Variants in OTUD1 observed in about 807,000 individuals in gnomAD.
OTUD1 encodes the protein OTU domain-containing protein 1.
OTUD1 carries 15 observed loss-of-function variants against 30.0 expected under a neutral mutation model. The ratio of observed to expected loss-of-function variants is 0.50; its 90% CI spans 0.33 to 0.77. The LOEUF is 0.77. Ranked by LOEUF, OTUD1 falls within the 30% of genes least tolerant of loss-of-function variation. The probability of loss-of-function intolerance (pLI) is 0.02; values close to 1 mark genes in which losing one functional copy is unlikely to be tolerated. For missense variants in OTUD1, 796 were observed against 697.8 expected, an observed-to-expected ratio of 1.14 and a Z score of -1.59; for synonymous variants, 381 against 326.3, an observed-to-expected ratio of 1.17 and a Z score of -1.81.
rs1469031836 is a variant in OTUD1 at position 23,440,530 on chromosome 10, T to C, written c.1073T>C (p.Ile358Thr). The C allele has an allele frequency of 1.3e-6, 2 of 1,551,674 alleles. No individual in the cohort carries two copies. The highest frequency in any genetic ancestry group is 2.0e-5 in the Admixed American group (1 of 51,008). Reference sequence around the variant, plus strand: ...CATCTCGACCACTTCAGCCCCCTGATTGAGGGCGACGTGGGGGAGTTTATC... The same window carrying C: ...CATCTCGACCACTTCAGCCCCCTGACTGAGGGCGACGTGGGGGAGTTTATC... The part of the protein sequence containing the change: ...ADHLDHFSPL[I>T]EGDVGEFIIA... The change falls in exon 1 of 1, where the codon ATT (isoleucine) becomes ACT (threonine). Residue 358 changes from isoleucine to threonine, a missense_variant. By Grantham distance (89) the Ile-to-Thr change is moderately conservative. Coordinates refer to ENST00000376495, the MANE Select transcript of OTUD1 (RefSeq NM_001145373.3).
rs1261980284 is a variant in OTUD1 at position 23,441,669 on chromosome 10, TG to T, written c.*767del. ...TTTGCTGATGGCAGAATGATTATTC[TG>T]TACCCTGGTTGATGTGTAGAGTAGA... is the stretch of plus-strand genomic sequence containing the variant. On this transcript the variant is annotated 3_prime_UTR_variant, in exon 1 of 1. Coordinates refer to ENST00000376495, the MANE Select transcript of OTUD1 (RefSeq NM_001145373.3). 6.0e-6 allele frequency: 1 copy of T among 167,186 alleles called. No individual in the cohort carries two copies. Among genetic ancestry groups the T allele is most frequent in the East Asian group, 1.9e-4 (1 of 5,186 alleles). The allele number at this position is 167,186 out of a possible 1,614,324, so 10.4% of individuals were successfully genotyped here.
Position 23,440,083 on chromosome 10 carries a change from G to A in OTUD1, c.626G>A (p.Gly209Asp). 7.0e-7 allele frequency: 1 copy of A among 1,438,688 alleles called. No individual in the cohort carries two copies. 89.1% of individuals were successfully genotyped at this position (1,438,688 alleles called of 1,614,324 possible). Residue 209 changes from glycine to aspartate, a missense_variant, in exon 1 of 1, where the codon GGC becomes GAC. Physicochemically the swap from Gly to Asp is moderately conservative, Grantham distance 94. Transcript: ENST00000376495. ...RQALAAAKHR[G>D]PAATPGSPDP... ...GCCCTGGCCGCCGCCAAGCACCGAG[G>A]CCCCGCGGCGACCCCGGGGAGCCCC... is the stretch of plus-strand genomic sequence containing the variant.
chr10:23,440,643 A>C lies in OTUD1; in HGVS notation c.1186A>C (p.Thr396Pro). ...QMLNVNIHLT[T>P]GGRLESPTVS... ...GCTGAATGTGAATATCCATTTAACT[A>C]CTGGAGGGAGGCTGGAGAGTCCCAC... Residue 396 changes from threonine to proline, a missense_variant, in exon 1 of 1, where the codon ACT (threonine) becomes CCT (proline). Transcript: ENST00000376495. 1 of 1,551,678 alleles carries C rather than the reference A, an allele frequency of 6.4e-7. No individual in the cohort carries two copies. Among genetic ancestry groups the C allele is most frequent in the Non-Finnish European group, 8.7e-7 (1 of 1,146,984 alleles).
rs903145159 is a variant in OTUD1, at chr10:23,439,337, A to T, written c.-121A>T. The T allele has an allele frequency of 1.8e-4, 159 of 885,918 alleles. No individual in the cohort carries two copies. In the African/African-American group the frequency reaches 2.6e-3, roughly 14 times the overall value. 54.9% of individuals were successfully genotyped at this position (885,918 alleles called of 1,614,324 possible). ...CGCGGCGGCCGGCTGCCTTTCGCTC[A>T]TCTCTATTCTGGGGCCGTTGGGTCA... On this transcript the variant is annotated 5_prime_UTR_variant, in exon 1 of 1. Coordinates refer to ENST00000376495, the MANE Select transcript of OTUD1 (RefSeq NM_001145373.3).
Position 23,439,939 on chromosome 10 carries a change from G to A in OTUD1, c.482G>A (p.Arg161Gln). 8.1e-7 allele frequency: 1 copy of A among 1,229,388 alleles called. No homozygotes were observed. Among genetic ancestry groups the A allele is most frequent in the Non-Finnish European group, 1.0e-6 (1 of 988,020 alleles). 76.2% of individuals were successfully genotyped at this position (1,229,388 alleles called of 1,614,324 possible). Residue 161 changes from arginine to glutamine, a missense_variant, in exon 1 of 1, where the codon CGG (arginine) becomes CAG (glutamine). Physicochemically the swap from Arg to Gln is conservative, Grantham distance 43 (BLOSUM62 1). Coordinates refer to ENST00000376495, the MANE Select transcript of OTUD1 (RefSeq NM_001145373.3). ...CCCGCAGCCCCGGTCCCGCCGCGGC[G>A]GGGCTCCTCGGCCTGGCTCCTGGAG... Reference protein sequence around the residue: ...PAPAAPVPPRRGSSAWLLEEL... With the variant: ...PAPAAPVPPRQGSSAWLLEEL...
chr10:23,440,182 A>G lies in OTUD1; in HGVS notation c.725A>G (p.Asp242Gly), dbSNP rs1847111966. Residue 242 changes from aspartate to glycine, a missense_variant, in exon 1 of 1, where the codon GAT (aspartate) becomes GGT (glycine). Transcript: ENST00000376495. ...RGPRGWERGG[D>G]RCDAPGGDAA... is the part of the protein sequence containing the mutation. The stretch of plus-strand genomic sequence containing the variant: ...CCCAGGGGCTGGGAGAGGGGCGGCG[A>G]TCGCTGCGACGCGCCCGGTGGGGAC... The G allele has an allele frequency of 6.9e-7, 1 of 1,456,522 alleles. No individual in the cohort carries two copies. Among genetic ancestry groups the G allele is most frequent in the Non-Finnish European group, 9.0e-7 (1 of 1,106,444 alleles). 90.2% of individuals were successfully genotyped at this position (1,456,522 alleles called of 1,614,324 possible).
At position 23,441,116 on chromosome 10, in the gene OTUD1, C is replaced by T. The variant is rs994872017; in HGVS notation, c.*213C>T. 5.2e-6 allele frequency: 3 copies of T among 582,028 alleles called. No individual in the cohort carries two copies. The highest frequency in any genetic ancestry group is 6.9e-5 in the Admixed American group (2 of 29,152). 36.1% of individuals were successfully genotyped at this position (582,028 alleles called of 1,614,324 possible). A position where few individuals can be genotyped will look rare whatever the true frequency, so the allele number is the denominator to read the frequency against. ...TTCATGATAGCTTTGGGTGATTTTACTGCTATTTATAATTTGCTGTATAAA... is the reference window on the plus strand; with the variant it reads ...TTCATGATAGCTTTGGGTGATTTTATTGCTATTTATAATTTGCTGTATAAA... On this transcript the variant is annotated 3_prime_UTR_variant, in exon 1 of 1. Transcript: ENST00000376495.
rs564904086 is a variant in OTUD1, at chr10:23,440,299, C to T, written c.842C>T (p.Ser281Phe). The T allele has an allele frequency of 5.8e-6, 9 of 1,550,812 alleles. No individual in the cohort carries two copies. The South Asian group carries it at 8.3e-5, about 14-fold the overall frequency. The change falls in exon 1 of 1, where the codon TCC becomes TTC. Residue 281 changes from serine to phenylalanine, a missense_variant. Physicochemically the swap from Ser to Phe is radical, Grantham distance 155. Transcript: ENST00000376495. ...AGTGCGGCGGAGCCGGTGATCGTCTCCAGGTCGGATCCCAGAGACGAGAAG... is the reference window on the plus strand; with the variant it reads ...AGTGCGGCGGAGCCGGTGATCGTCTTCAGGTCGGATCCCAGAGACGAGAAG... ...PSSAAEPVIV[S>F]RSDPRDEKLA...
Position 23,440,995 on chromosome 10 carries a change from C to A in OTUD1, c.*92C>A, listed in dbSNP as rs80154170. On this transcript the variant is annotated 3_prime_UTR_variant, in exon 1 of 1. Coordinates refer to ENST00000376495, the MANE Select transcript of OTUD1 (RefSeq NM_001145373.3). ...ACTTTAATCAGGGTAATAGCACTTT[C>A]AAACTTGCTAGTAGATTTTACTGTA... 7.5e-7 allele frequency: 1 copy of A among 1,327,384 alleles called. No individual in the cohort carries two copies. The highest frequency in any genetic ancestry group is 1.5e-5 in the South Asian group (1 of 65,962). 82.2% of individuals were successfully genotyped at this position (1,327,384 alleles called of 1,614,324 possible). A position where few individuals can be genotyped will look rare whatever the true frequency, so the allele number is the denominator to read the frequency against.
rs1847112596 is a variant in OTUD1 at position 23,440,224 on chromosome 10, A to T, written c.767A>T (p.Asp256Val). ...GGTGGGGACGCGGCGCGGAGGCCCG[A>T]CCCAGAGGCCGAGGCACCCCCCGCC... is the stretch of plus-strand genomic sequence containing the variant. ...APGGDAARRP[D>V]PEAEAPPAGS... The change falls in exon 1 of 1, where the codon GAC (aspartate) becomes GTC (valine). Residue 256 changes from aspartate to valine, a missense_variant. Transcript: ENST00000376495. 4 of 1,529,598 alleles carry T rather than the reference A, an allele frequency of 2.6e-6. No individual in the cohort carries two copies. Among genetic ancestry groups the T allele is most frequent in the Non-Finnish European group, 3.5e-6 (4 of 1,134,472 alleles). 94.8% of individuals were successfully genotyped at this position (1,529,598 alleles called of 1,614,324 possible).
Position 23,439,480 on chromosome 10 carries a change from G to C in OTUD1, c.23G>C (p.Cys8Ser), listed in dbSNP as rs1017845323. Residue 8 changes from cysteine to serine, a missense_variant, in exon 1 of 1, where the codon TGC becomes TCC. Cys to Ser is a moderately radical substitution (Grantham distance 112, BLOSUM62 -1). Coordinates refer to ENST00000376495, the MANE Select transcript of OTUD1 (RefSeq NM_001145373.3). Reference protein sequence around the residue: MQLYSSVCTHYPAGAPGP... With the variant: MQLYSSVSTHYPAGAPGP... ...GACATGCAGCTCTACAGCAGCGTCT[G>C]CACCCACTACCCCGCCGGGGCCCCG... 7.1e-5 allele frequency: 97 copies of C among 1,368,490 alleles called. No individual in the cohort carries two copies. Among genetic ancestry groups the C allele is most frequent in the Non-Finnish European group, 8.8e-5 (93 of 1,061,938 alleles). 84.8% of individuals were successfully genotyped at this position (1,368,490 alleles called of 1,614,324 possible).
At position 23,439,584 on chromosome 10, in the gene OTUD1, G is replaced by C. The variant is rs1057002448; in HGVS notation, c.127G>C (p.Gly43Arg). 5.0e-5 allele frequency: 69 copies of C among 1,369,546 alleles called. No homozygotes were observed. Among genetic ancestry groups the C allele is most frequent in the Non-Finnish European group, 6.4e-5 (68 of 1,057,178 alleles). 84.8% of individuals were successfully genotyped at this position (1,369,546 alleles called of 1,614,324 possible). Residue 43 changes from glycine (G) to arginine (R), a missense_variant, in exon 1 of 1, where the codon GGC becomes CGC. Transcript: ENST00000376495. ...CTCGCTGCAGCCCCCGGGAGCCGCC[G>C]GCGCCGCGCCCGAGCCCGAGACCGG... The part of the protein sequence containing the change: ...KVSLQPPGAA[G>R]AAPEPETGEC...
In OTUD1 at chr10:23,439,662, G is replaced by GC; in HGVS notation, c.207dup (p.Ala70ArgfsTer204). On this transcript the variant is annotated frameshift_variant, in exon 1 of 1. Transcript: ENST00000376495. LOFTEE classifies it high-confidence loss of function. ...GCACCGGGAAGCCGCCGCTGTCCCC[G>GC]CCGCCAAGATGCCCGCCTTCTCCTC... The GC allele has an allele frequency of 1.5e-6, 2 of 1,299,014 alleles. No homozygotes were observed. The highest frequency in any genetic ancestry group is 1.6e-5 in the African/African-American group (1 of 63,470). The allele number at this position is 1,299,014 out of a possible 1,614,324, so 80.5% of individuals were successfully genotyped here. A position where few individuals can be genotyped will look rare whatever the true frequency, so the allele number is the denominator to read the frequency against.
chr10:23,440,757 G>A lies in OTUD1; in HGVS notation c.1300G>A (p.Ala434Thr). 5 of 1,552,142 alleles carry A rather than the reference G, an allele frequency of 3.2e-6. No homozygotes were observed. Among genetic ancestry groups the A allele is most frequent in the Non-Finnish European group, 4.4e-6 (5 of 1,147,088 alleles). The change falls in exon 1 of 1, where the codon GCT becomes ACT. Residue 434 changes from alanine to threonine, a missense_variant. Coordinates refer to ENST00000376495, the MANE Select transcript of OTUD1 (RefSeq NM_001145373.3). ...LSWLSNGHYDAVFDHSYPNPE... is the reference protein window; with the variant it reads ...LSWLSNGHYDTVFDHSYPNPE... ...TTGGCTCAGTAACGGACACTATGAT[G>A]CTGTATTTGATCACTCCTATCCTAA...
chr10:23,439,880 C>G lies in OTUD1; in HGVS notation c.423C>G (p.Ala141=). 8.6e-7 allele frequency: 1 copy of G among 1,160,902 alleles called. No individual in the cohort carries two copies. The highest frequency in any genetic ancestry group is 1.1e-6 in the Non-Finnish European group (1 of 945,506). The allele number at this position is 1,160,902 out of a possible 1,614,324, so 71.9% of individuals were successfully genotyped here. The change falls in exon 1 of 1, where the codon GCC becomes GCG. Residue 141 remains alanine (A), a synonymous_variant. Transcript: ENST00000376495. ...PVPGAAGSAA[A]PRGRCLLLAP... is the part of the protein sequence containing the mutation. Reference sequence around the variant, plus strand: ...CCGGCGCCGCGGGCTCCGCCGCTGCCCCGCGCGGCCGCTGCCTCCTGCTCG... The same window carrying G: ...CCGGCGCCGCGGGCTCCGCCGCTGCGCCGCGCGGCCGCTGCCTCCTGCTCG...
chr10:23,439,748 C>G lies in OTUD1; in HGVS notation c.291C>G (p.Gly97=). 1.7e-6 allele frequency: 2 copies of G among 1,164,548 alleles called. No homozygotes were observed. Among genetic ancestry groups the G allele is most frequent in the South Asian group, 6.6e-5 (2 of 30,144 alleles). The allele number at this position is 1,164,548 out of a possible 1,614,324, so 72.1% of individuals were successfully genotyped here. The change falls in exon 1 of 1, where the codon GGC becomes GGG. Residue 97 remains glycine (G), a synonymous_variant. Coordinates refer to ENST00000376495, the MANE Select transcript of OTUD1 (RefSeq NM_001145373.3). ...CCTCCGCCGCCGCCGGCCCGCCCGGCGCGTCCTGCAAGCCGCCGCTGCCGC... is the reference window on the plus strand; with the variant it reads ...CCTCCGCCGCCGCCGGCCCGCCCGGGGCGTCCTGCAAGCCGCCGCTGCCGC... ...APASAAAGPP[G]ASCKPPLPPH... is the part of the protein sequence containing the mutation.
rs1038766409 is a variant in OTUD1, at chr10:23,439,987, C to A, written c.530C>A (p.Pro177His). The A allele has an allele frequency of 8.0e-5, 109 of 1,361,260 alleles. No homozygotes were observed. The highest frequency in any genetic ancestry group is 1.0e-4 in the Non-Finnish European group (109 of 1,060,334). 84.3% of individuals were successfully genotyped at this position (1,361,260 alleles called of 1,614,324 possible). ...LLEELLRPDC[P>H]EPAGLDATRE... ...GAGGAGCTGCTGCGGCCCGACTGCC[C>A]CGAGCCCGCGGGCTTGGACGCGACA... The change falls in exon 1 of 1, where the codon CCC (proline) becomes CAC (histidine). Residue 177 changes from proline (P) to histidine (H), a missense_variant. Physicochemically the swap from Pro to His is moderately conservative, Grantham distance 77 (BLOSUM62 -2). Coordinates refer to ENST00000376495, the MANE Select transcript of OTUD1 (RefSeq NM_001145373.3).
Position 23,441,839 on chromosome 10 carries a change from G to A in OTUD1, c.*936G>A, listed in dbSNP as rs1003870886. 6.0e-6 allele frequency: 1 copy of A among 167,002 alleles called. No individual in the cohort carries two copies. Among genetic ancestry groups the A allele is most frequent in the African/African-American group, 2.4e-5 (1 of 41,446 alleles). 10.3% of individuals were successfully genotyped at this position (167,002 alleles called of 1,614,324 possible). On this transcript the variant is annotated 3_prime_UTR_variant, in exon 1 of 1. Coordinates refer to ENST00000376495, the MANE Select transcript of OTUD1 (RefSeq NM_001145373.3). ...CAGCTAAGAGATTTATAAACTAATGGCATAAATGTCTGGAGCCAACCTTGG... is the reference window on the plus strand; with the variant it reads ...CAGCTAAGAGATTTATAAACTAATGACATAAATGTCTGGAGCCAACCTTGG...
rs1253062386 is a variant in OTUD1 at position 23,439,832 on chromosome 10, G to A, written c.375G>A (p.Leu125=). The A allele has an allele frequency of 4.5e-6, 5 of 1,122,152 alleles. No homozygotes were observed. In the Admixed American group the frequency reaches 2.0e-4, roughly 44 times the overall value. 69.5% of individuals were successfully genotyped at this position (1,122,152 alleles called of 1,614,324 possible). ...GGGCCCTGGGCGCCGACAGGCTCCTGCTGCACGGGCCCGATCCCGTTCCCG... is the reference window on the plus strand; with the variant it reads ...GGGCCCTGGGCGCCGACAGGCTCCTACTGCACGGGCCCGATCCCGTTCCCG... ...TVRALGADRL[L]LHGPDPVPGA... The change falls in exon 1 of 1, where the codon CTG becomes CTA. Residue 125 remains leucine (L), a synonymous_variant. Coordinates refer to ENST00000376495, the MANE Select transcript of OTUD1 (RefSeq NM_001145373.3).
Sources: gnomAD v4.1 joint callset for allele counts on GRCh38, gnomAD v4.1.1 for gene constraint, MANE v1.5 for transcripts, NCBI Gene and HGNC (gene_info 2026-07-23, HGNC 2026-07-21) for gene names.